Variants in AP3D1 observed in about 807,000 individuals in gnomAD.
AP3D1 encodes the protein adaptor related protein complex 3 subunit delta 1.
Under a neutral mutation model 147.6 loss-of-function variants are expected in AP3D1, and 51 were observed. The observed-to-expected ratio is 0.35, with a 90% CI of 0.28 to 0.44. AP3D1 has a LOEUF of 0.44. AP3D1 is among the 20% of genes least tolerant of loss of function. The pLI is 1.00. For missense variants in AP3D1, 1,421 were observed against 1,624.2 expected (o/e 0.87, Z 2.15); for synonymous variants, 760 against 663.0 (o/e 1.15, Z -2.25).
At chr19:2,138,005 G>C (rs2019121977) in intron 2 of AP3D1, among the ~76,000 whole-genome samples, 198 bp from the exon 3 acceptor site, 1 of 152,132 alleles carries the variant, frequency 6.6e-6, no homozygotes, top group Non-Finnish European at 1.5e-5. Flanking sequence ...AAGCTACAGG[G>C]ACAAGTTAGT....
chr19:2,112,914 G>A lies in AP3D1; in HGVS notation c.2733C>T (p.Ala911=). ...CCTCCTCGCCCTGCGCCTCCGTCTT[G>A]GCGTCCTCACACTCGTCCTTCGGGG... ...VTTPKDECED[A]KTEAQGEEDD... The change falls in exon 24 of 32, where the codon GCC becomes GCT. Residue 911 remains alanine (A), a synonymous_variant. Coordinates refer to ENST00000643116, the MANE Select transcript of AP3D1 (RefSeq NM_001261826.3). 1 of 1,613,316 alleles carries A rather than the reference G, an allele frequency of 6.2e-7. No individual in the cohort carries two copies. Among genetic ancestry groups the A allele is most frequent in the East Asian group, 2.2e-5 (1 of 44,840 alleles).
chr19:2,159,549 C>T (rs1404389869), intron 1 of AP3D1, among the ~76,000 whole-genome samples: 1 of 151,730 alleles, frequency 6.6e-6, no homozygotes, highest in Non-Finnish European at 1.5e-5. Context: ...CCACAGCTCC[C>T]GGCTAATTTT....
At chr19:2,157,139 T>C (rs2019651943) in intron 1 of AP3D1, among the ~76,000 whole-genome samples, 1 of 148,348 alleles carries the variant, frequency 6.7e-6, no homozygotes, top group African/African-American at 2.5e-5. Flanking sequence ...TCCACAACGT[T>C]TCTTGAAAAA....
In AP3D1 at chr19:2,110,679, G is replaced by C. The variant is rs753803636; in HGVS notation, c.3175+28C>G. On this transcript the variant is annotated intron_variant, in intron 27 of 31. Transcript: ENST00000643116. ...GCCACTGCGCTCCCACAGTCCCCAG[G>C]AGAGGCCGTGAGTGGGGCAGGGCTC... 12 of 1,554,850 alleles carry C rather than the reference G, an allele frequency of 7.7e-6. No individual in the cohort carries two copies. The East Asian group carries it at 2.9e-4, about 37-fold the overall frequency.
intron 16 of AP3D1, 32 bp from the exon 17 acceptor site, chr19:2,116,778 T>C (rs753644069): frequency 7.6e-6 from 12 of 1,573,524 alleles, no homozygotes; most frequent in African/African-American, 6.8e-5. Context: ...CACAAGGCAG[T>C]GTGTGACCGA....
At chr19:2,105,893 C>T (rs1036430140) in intron 31 of AP3D1, among the ~76,000 whole-genome samples, 3 of 152,108 alleles carry the variant, frequency 2.0e-5, no homozygotes, top group Non-Finnish European at 2.9e-5. Flanking sequence ...TGAGACCAGC[C>T]TGACCAACAT....
chr19:2,163,553 C>T (rs1477212234), intron 1 of AP3D1, among the ~76,000 whole-genome samples: 2 of 150,744 alleles, frequency 1.3e-5, no homozygotes, highest in African/African-American at 4.9e-5. Context: ...GGACTTGGAG[C>T]TACAGCAAGT....
chr19:2,132,386 T>G, intron 5 of AP3D1, 85 bp downstream of exon 5: 1 of 1,294,514 alleles, frequency 7.7e-7, no homozygotes, highest in Non-Finnish European at 1.1e-6. Context: ...GGTTTCCGCA[T>G]AGCCAAGCTT....
At chr19:2,102,303 G>A in intron 31 of AP3D1, 35 bp from the exon 32 acceptor site, 1 of 1,568,722 alleles carries the variant, frequency 6.4e-7, no homozygotes, top group Non-Finnish European at 8.8e-7. Flanking sequence ...TTTTAAAAGT[G>A]TGTGCAGGGG....
chr19:2,119,699 CA>C (rs954635585), intron 14 of AP3D1, among the ~76,000 whole-genome samples: 2,009 of 25,382 alleles, frequency 0.079, 12 homozygotes, highest in East Asian at 0.18. Flanking sequence ...GACTCTGTCT[CA>C]AAAAAAAAAA....
rs372868365 is a variant in AP3D1 at position 2,104,302 on chromosome 19, A to T, written c.3553-2034T>A. Among the ~76,000 whole-genome samples, 1,169 of 124,706 alleles carry T rather than the reference A, an allele frequency of 9.4e-3. 4 individuals are homozygous for T. Among genetic ancestry groups the T allele is most frequent in the African/African-American group, 0.015 (540 of 35,458 alleles). 81.8% of individuals were successfully genotyped at this position (124,706 alleles called of 152,430 possible). Reference sequence around the variant, plus strand: ...AACACCCAGACCCCAACGCCAAGACACCAACACGCAGACCCCAACACCCAG... The same window carrying T: ...AACACCCAGACCCCAACGCCAAGACTCCAACACGCAGACCCCAACACCCAG... On this transcript the variant is annotated intron_variant, in intron 31 of 31. Transcript: ENST00000643116.
chr19:2,105,848 C>T (rs2018096313), intron 31 of AP3D1, among the ~76,000 whole-genome samples: 1 of 152,182 alleles, frequency 6.6e-6, no homozygotes, highest in Admixed American at 6.5e-5. Context: ...CTAATACCAG[C>T]ACTTTGGGAG....
Position 2,108,729 on chromosome 19 carries a change from G to A in AP3D1, c.3510C>T (p.Ser1170=). ...ERVDSCASMY[S]RSIQGHHVCL... ...AGACATGGTGGCCCTGGATGGAGCG[G>A]CTGTACATGGAGGCGCAGGAGTCCA... Residue 1170 remains serine, a synonymous_variant, in exon 31 of 32, where the codon AGC becomes AGT. Transcript: ENST00000643116. The A allele has an allele frequency of 1.3e-6, 2 of 1,583,412 alleles. No homozygotes were observed. Among genetic ancestry groups the A allele is most frequent in the Non-Finnish European group, 1.7e-6 (2 of 1,165,106 alleles).
intron 31 of AP3D1, among the ~76,000 whole-genome samples, chr19:2,106,334 G>A (rs8100122): frequency 0.3 from 45,570 of 151,870 alleles, 7,799 homozygotes; most frequent in African/African-American, 0.47. Flanking sequence ...AGATCACCCG[G>A]GGTCAGGAGT....
intron 4 of AP3D1, 81 bp downstream of exon 4, chr19:2,136,930 G>T: frequency 3.0e-6 from 4 of 1,322,682 alleles, no homozygotes; most frequent in Non-Finnish European, 4.2e-6. Flanking sequence ...CTGCCCACAG[G>T]AAGACGCGTG....
intron 11 of AP3D1, among the ~76,000 whole-genome samples, chr19:2,122,254 T>G (rs1253589460): frequency 6.6e-6 from 1 of 152,158 alleles, no homozygotes; most frequent in Non-Finnish European, 1.5e-5. Context: ...GTCTCACCTG[T>G]ACCCAGTACT....
chr19:2,123,661 A>G (rs903589523), intron 10 of AP3D1, among the ~76,000 whole-genome samples, 169 bp downstream of exon 10: 15 of 152,192 alleles, frequency 9.9e-5, no homozygotes, highest in African/African-American at 2.7e-4. Context: ...GGGGATCCCA[A>G]GCAGGCTCGG....
chr19:2,113,391 A>G lies in AP3D1; in HGVS notation c.2624T>C (p.Leu875Pro). The part of the protein sequence containing the change: ...EKKAEDLDFW[L>P]STTPPPAPAP... The stretch of plus-strand genomic sequence containing the variant: ...GGGGGCAGGCGGTGGGGTGGTAGAC[A>G]GCCAGAAGTCCAGGTCCTCAGCCTG... Residue 875 changes from leucine to proline, a missense_variant, in exon 23 of 32, where the codon CTG (leucine) becomes CCG (proline). Around this residue, in one of 6 missense-constraint regions of AP3D1, gnomAD observed 791 missense variants for 761.4 expected, o/e 1.04. Coordinates refer to ENST00000643116, the MANE Select transcript of AP3D1 (RefSeq NM_001261826.3). 6.8e-7 allele frequency: 1 copy of G among 1,476,692 alleles called. No individual in the cohort carries two copies. Among genetic ancestry groups the G allele is most frequent in the Non-Finnish European group, 9.0e-7 (1 of 1,116,600 alleles). The allele number at this position is 1,476,692 out of a possible 1,614,324, so 91.5% of individuals were successfully genotyped here. A position where few individuals can be genotyped will look rare whatever the true frequency, so the allele number is the denominator to read the frequency against.
At chr19:2,126,452 G>T (rs909418865) in intron 9 of AP3D1, among the ~76,000 whole-genome samples, 16 of 152,066 alleles carry the variant, frequency 1.1e-4, no homozygotes, top group Non-Finnish European at 1.8e-4. Context: ...TCAGGAGTTC[G>T]AGACCAGCCT....
Sources: gnomAD v4.1 joint callset for allele counts (sites outside exome capture counted in the v4.1 genomes callset) on GRCh38, gnomAD v4.1.1 for gene constraint, gnomAD v4.1.1 regional missense constraint, MANE v1.5 for transcripts, NCBI Gene and HGNC (gene_info 2026-07-23, HGNC 2026-07-21) for gene names.